Variants in ATOH8 observed in about 807,000 individuals in gnomAD.
ATOH8 encodes transcription factor ATOH8.
Under a neutral mutation model 21.2 loss-of-function variants are expected in ATOH8, and 9 were observed. The observed-to-expected ratio is 0.42, with a 90% CI of 0.26 to 0.74. ATOH8 has a LOEUF of 0.74. ATOH8 is among the 30% of genes least tolerant of loss of function. The probability of loss-of-function intolerance (pLI) is 0.24; values close to 1 mark genes in which losing one functional copy is unlikely to be tolerated. For missense variants in ATOH8, 524 were observed against 470.9 expected, an observed-to-expected ratio of 1.11 and a Z score of -1.04; for synonymous variants, 253 against 224.0, an observed-to-expected ratio of 1.13 and a Z score of -1.16.
chr2:85,786,262 TAGAC>T (rs954837185), intron 2 of ATOH8, among the ~76,000 whole-genome samples: 5 of 152,306 alleles, frequency 3.3e-5, no homozygotes, highest in South Asian at 2.1e-4. Context: ...TGCAATCAAA[TAGAC>T]AGACACATGT....
At chr2:85,758,009 ACTCCTGGG>A (rs1573520754) in intron 1 of ATOH8, among the ~76,000 whole-genome samples, 2 of 151,748 alleles carry the variant, frequency 1.3e-5, no homozygotes, top group East Asian at 3.9e-4. Flanking sequence ...CTGGCCTCGA[ACTCCTGGG>A]CTGAGGTGAT....
rs1680711200 is a variant in ATOH8, at chr2:85,789,581, G to GGA, written c.*2692_*2693dup. On this transcript the variant is annotated 3_prime_UTR_variant, in exon 3 of 3. Transcript: ENST00000306279. ...TGCAGAGGAGCACTCAGCGCTGGCA[G>GGA]GAAATTGGAATCACCCAAGGAGATT... Among the ~76,000 whole-genome samples, 1 of 152,150 alleles carries GGA rather than the reference G, an allele frequency of 6.6e-6. No individual in the cohort carries two copies. The highest frequency in any genetic ancestry group is 1.5e-5 in the Non-Finnish European group (1 of 68,028).
chr2:85,764,161 G>C lies in ATOH8; in HGVS notation c.939G>C (p.Glu313Asp). 2 of 1,614,150 alleles carry C rather than the reference G, an allele frequency of 1.2e-6. No homozygotes were observed. Among genetic ancestry groups the C allele is most frequent in the African/African-American group, 1.3e-5 (1 of 75,068 alleles). ...VQRCTRTLQA[E>D]GRAKKRKE The stretch of plus-strand genomic sequence containing the variant: ...GCTGCACCCGCACCCTGCAGGCCGA[G>C]GGACGTGCCAAGAAGCGCAAGGTAT... Residue 313 changes from glutamate (E) to aspartate (D), a missense_variant, in exon 2 of 3, where the codon GAG becomes GAC. Transcript: ENST00000306279.
intron 2 of ATOH8, chr2:85,772,713 G>A (rs776472892): frequency 8.8e-6 from 4 of 456,746 alleles, no homozygotes; most frequent in Non-Finnish European, 8.8e-6. Context: ...GAGGAAACTC[G>A]CTTATGAATA....
At chr2:85,757,893 C>A (rs1406933701) in intron 1 of ATOH8, among the ~76,000 whole-genome samples, 1 of 148,768 alleles carries the variant, frequency 6.7e-6, no homozygotes, top group South Asian at 2.1e-4. Flanking sequence ...TCAAGTGATT[C>A]TTCTGCCTCA....
rs1357519954 is a variant in ATOH8, at chr2:85,754,498, G to A, written c.309G>A (p.Glu103=). The A allele has an allele frequency of 7.7e-6, 11 of 1,433,036 alleles. No individual in the cohort carries two copies. The highest frequency in any genetic ancestry group is 1.0e-5 in the Non-Finnish European group (11 of 1,103,186). The allele number at this position is 1,433,036 out of a possible 1,614,324, so 88.8% of individuals were successfully genotyped here. The change falls in exon 1 of 3, where the codon GAG becomes GAA. Residue 103 remains glutamate, a synonymous_variant. Coordinates refer to ENST00000306279, the MANE Select transcript of ATOH8 (RefSeq NM_032827.7). ...AGERGGSRAP[E]VSDARKRCFA... is the part of the protein sequence containing the mutation. ...AGCGCGGGGGCTCTCGGGCGCCCGAGGTCTCCGACGCGCGGAAACGCTGCT... is the reference window on the plus strand; with the variant it reads ...AGCGCGGGGGCTCTCGGGCGCCCGAAGTCTCCGACGCGCGGAAACGCTGCT...
chr2:85,782,847 C>T (rs1183850630), intron 2 of ATOH8, among the ~76,000 whole-genome samples: 1 of 152,188 alleles, frequency 6.6e-6, no homozygotes, highest in Non-Finnish European at 1.5e-5. Context: ...AAGCATGCGC[C>T]ACCACACCCA....
Position 85,754,086 on chromosome 2 carries a change from G to A in ATOH8, c.-104G>A. On this transcript the variant is annotated 5_prime_UTR_variant, in exon 1 of 3. Transcript: ENST00000306279. ...GGGCGAGGGGGAGAAAGGGAGAGAG[G>A]GAGGGGGAGGGCGGGCGAAGCGGGA... 3.8e-6 allele frequency: 5 copies of A among 1,312,796 alleles called. No individual in the cohort carries two copies. The highest frequency in any genetic ancestry group is 1.6e-5 in the African/African-American group (1 of 63,554). 81.3% of individuals were successfully genotyped at this position (1,312,796 alleles called of 1,614,324 possible).
In ATOH8 at chr2:85,754,941, A is replaced by C; in HGVS notation, c.752A>C (p.Glu251Ala). The change falls in exon 1 of 3, where the codon GAG becomes GCG. Residue 251 changes from glutamate (E) to alanine (A), a missense_variant. Coordinates refer to ENST00000306279, the MANE Select transcript of ATOH8 (RefSeq NM_032827.7). ...GTGCACACCATCAGCGCAGCCTTCGAGGCGCTCAGGAAGCAGGTACCCGCT... is the reference window on the plus strand; with the variant it reads ...GTGCACACCATCAGCGCAGCCTTCGCGGCGCTCAGGAAGCAGGTACCCGCT... The part of the protein sequence containing the change: ...TRVHTISAAF[E>A]ALRKQVPCYS... 6.3e-7 allele frequency: 1 copy of C among 1,596,914 alleles called. No individual in the cohort carries two copies.
intron 2 of ATOH8, among the ~76,000 whole-genome samples, chr2:85,767,552 GTAT>G (rs1250202705): frequency 2.3e-5 from 2 of 87,448 alleles, no homozygotes; most frequent in Non-Finnish European, 4.7e-5. Flanking sequence ...GTGCTTCTTG[GTAT>G]TCCCTCTTCC....
At chr2:85,779,757 CAT>C (rs2104531634) in intron 2 of ATOH8, among the ~76,000 whole-genome samples, 1 of 152,332 alleles carries the variant, frequency 6.6e-6, no homozygotes, top group Non-Finnish European at 1.5e-5. Flanking sequence ...TCATCTGCAA[CAT>C]GTGTGCAGCG....
At chr2:85,755,332 A>G (rs1679656813) in intron 1 of ATOH8, among the ~76,000 whole-genome samples, 1 of 151,380 alleles carries the variant, frequency 6.6e-6, no homozygotes, top group African/African-American at 2.4e-5. Context: ...GGAAGGGGGG[A>G]GCCTTCTCCA....
At chr2:85,769,786 G>A (rs556000309) in intron 2 of ATOH8, among the ~76,000 whole-genome samples, 3 of 152,140 alleles carry the variant, frequency 2.0e-5, no homozygotes, top group South Asian at 2.1e-4. Flanking sequence ...TGTGGGAGGC[G>A]GAGTCTCCAG....
chr2:85,758,860 T>A (rs929692203), intron 1 of ATOH8, among the ~76,000 whole-genome samples: 2 of 151,096 alleles, frequency 1.3e-5, no homozygotes, highest in African/African-American at 4.8e-5. Context: ...GTGGGAGGGG[T>A]CAAAGGGAAA....
rs1402917822 is a variant in ATOH8, at chr2:85,788,947, C to T, written c.*2057C>T. ...TGGACAGAGTGGGCATGGAATGGGG[C>T]CAGGAGGGTCTGTTAGGAAGGTTCA... On this transcript the variant is annotated 3_prime_UTR_variant, in exon 3 of 3. Coordinates refer to ENST00000306279, the MANE Select transcript of ATOH8 (RefSeq NM_032827.7). Among the ~76,000 whole-genome samples the T allele has an allele frequency of 1.3e-5, 2 of 152,118 alleles. No homozygotes were observed. The highest frequency in any genetic ancestry group is 1.9e-4 in the East Asian group (1 of 5,190).
At chr2:85,755,954 G>A (rs1324449323) in intron 1 of ATOH8, among the ~76,000 whole-genome samples, 1 of 150,650 alleles carries the variant, frequency 6.6e-6, no homozygotes, top group African/African-American at 2.4e-5. Context: ...GTGACTCCAG[G>A]AATGTTGCTC....
chr2:85,778,564 C>T (rs1487363878), intron 2 of ATOH8, among the ~76,000 whole-genome samples: 4 of 152,206 alleles, frequency 2.6e-5, no homozygotes, highest in Non-Finnish European at 5.9e-5. Flanking sequence ...CCCCAGTGGT[C>T]CTGAAGTATC....
intron 2 of ATOH8, among the ~76,000 whole-genome samples, chr2:85,777,815 G>A (rs1680367759): frequency 6.6e-6 from 1 of 152,212 alleles, no homozygotes; most frequent in East Asian, 1.9e-4. Context: ...TGGTCTAAAC[G>A]CTTAGTAAAC....
rs1680012653 is a variant in ATOH8 at position 85,766,244 on chromosome 2, AC to A, written c.960+2063del. Among the ~76,000 whole-genome samples the A allele has an allele frequency of 6.6e-6, 1 of 152,014 alleles. No individual in the cohort carries two copies. Among genetic ancestry groups the A allele is most frequent in the Admixed American group, 6.6e-5 (1 of 15,264 alleles). On this transcript the variant is annotated intron_variant, in intron 2 of 2. Transcript: ENST00000306279. The surrounding 1 kb of genome is among the most constrained non-coding windows in gnomAD (Gnocchi z 4.0). ...ACTTGAGGCTTATCCTATGGGGCTT[AC>A]TTATGTGGTGAAATTGCCCTGGAGA...
Sources: gnomAD v4.1 joint callset for allele counts (sites outside exome capture counted in the v4.1 genomes callset) on GRCh38, gnomAD v4.1.1 for gene constraint, Gnocchi (gnomAD v3.1) non-coding constraint, MANE v1.5 for transcripts, NCBI Gene and HGNC (gene_info 2026-07-23, HGNC 2026-07-21) for gene names.